The following BANK1 variants were observed in gnomAD, a reference collection of about 807,000 sequenced individuals.
BANK1 encodes the protein B cell scaffold protein with ankyrin repeats 1.
BANK1 carries 95 observed loss-of-function variants against 94.5 expected under a neutral mutation model. That is an observed-to-expected ratio of 1.00 (90% CI 0.85 to 1.19). BANK1 has a LOEUF of 1.19. BANK1 is among the 50% of genes most tolerant of loss of function. The pLI is 0.00. For missense variants in BANK1, 987 were observed against 932.2 expected (o/e 1.06, Z -0.77); for synonymous variants, 334 against 308.4 (o/e 1.08, Z -0.87).
At chr4:101,854,161 G>A (rs1727595910) in intron 2 of BANK1, among the ~76,000 whole-genome samples, 1 of 152,076 alleles carries the variant, frequency 6.6e-6, no homozygotes, top group Non-Finnish European at 1.5e-5. Flanking sequence ...GGGGGTTTCA[G>A]GGCTGCTTTT....
At chr4:101,914,414 C>T (rs1462739113) in intron 6 of BANK1, among the ~76,000 whole-genome samples, 2 of 152,042 alleles carry the variant, frequency 1.3e-5, no homozygotes, top group Non-Finnish European at 2.9e-5. Flanking sequence ...AATAAGGCAC[C>T]GTAAGTCAGA....
At chr4:102,004,843 G>A (rs1726194915) in intron 7 of BANK1, among the ~76,000 whole-genome samples, 1 of 152,002 alleles carries the variant, frequency 6.6e-6, no homozygotes. Context: ...CCTTTTGTCA[G>A]GTATGAGATA....
intron 10 of BANK1, among the ~76,000 whole-genome samples, chr4:102,031,407 T>C (rs886081177): frequency 4.6e-5 from 7 of 152,250 alleles, no homozygotes; most frequent in African/African-American, 1.4e-4. Flanking sequence ...ACTCTGATGA[T>C]AGTTTCTTTT....
intron 3 of BANK1, among the ~76,000 whole-genome samples, chr4:101,856,686 G>T (rs1727691952): frequency 6.6e-6 from 1 of 152,070 alleles, no homozygotes. Context: ...TGCTATCTAA[G>T]CAAAGATGTG....
intron 1 of BANK1, among the ~76,000 whole-genome samples, chr4:101,817,444 C>T (rs576631304): frequency 7.9e-5 from 12 of 152,100 alleles, no homozygotes; most frequent in African/African-American, 2.2e-4. Context: ...AACCAAATAC[C>T]GAATGTTCTT....
chr4:101,855,034 G>A lies in BANK1; in HGVS notation c.470-1G>A, dbSNP rs767513538. 1.2e-6 allele frequency: 2 copies of A among 1,601,996 alleles called. No individual in the cohort carries two copies. Among genetic ancestry groups the A allele is most frequent in the South Asian group, 2.2e-5 (2 of 89,884 alleles). ...ATCTACATTCATAAAATTTTCTCTAGATTCTGAAGACTACTTTGAGGTCAA... is the reference window on the plus strand; with the variant it reads ...ATCTACATTCATAAAATTTTCTCTAAATTCTGAAGACTACTTTGAGGTCAA... On this transcript the variant is annotated splice_acceptor_variant, in intron 2 of 16. Transcript: ENST00000322953. LOFTEE classifies it high-confidence loss of function.
Position 101,906,671 on chromosome 4 carries a change from C to G in BANK1, c.1009+11261C>G, listed in dbSNP as rs180674174. ...TCCTCATCATCAGTGTGAAAAAGTT[C>G]CAAAGTGAAACGAACCAGACCCCAC... On this transcript the variant is annotated intron_variant, in intron 6 of 16. Transcript: ENST00000322953. Among the ~76,000 whole-genome samples the G allele has an allele frequency of 1.2e-3, 178 of 152,246 alleles. 4 individuals are homozygous for G. Among genetic ancestry groups the G allele is most frequent in the South Asian group, 0.01 (50 of 4,814 alleles).
intron 7 of BANK1, among the ~76,000 whole-genome samples, chr4:102,004,410 A>G (rs142895685): frequency 0.014 from 2,139 of 152,328 alleles, 148 homozygotes; most frequent in Admixed American, 0.12. Flanking sequence ...AATGTCACTG[A>G]GACTCCTGAC....
rs185158597 is a variant in BANK1, at chr4:102,012,678, T to C, written c.1207-8836T>C. On this transcript the variant is annotated intron_variant, in intron 7 of 16. Transcript: ENST00000322953. ...TCTAGCTTGGATTTCAGAAGTTGCT[T>C]GCTCCTCTGTGTTTAGATAAATGCA... Among the ~76,000 whole-genome samples, 742 of 152,270 alleles carry C rather than the reference T, an allele frequency of 4.9e-3. 1 individual carries two copies. Among genetic ancestry groups the C allele is most frequent in the Non-Finnish European group, 7.0e-3 (475 of 67,980 alleles).
chr4:101,874,307 CTTCTGTTAATAG>C (rs1038841728), intron 5 of BANK1, among the ~76,000 whole-genome samples: 1 of 152,134 alleles, frequency 6.6e-6, no homozygotes, highest in African/African-American at 2.4e-5. Flanking sequence ...TCTCCCTGTG[CTTCTGTTAATAG>C]TTCCCTGAAA....
chr4:102,036,468 A>G (rs1353694914), intron 10 of BANK1, among the ~76,000 whole-genome samples: 1 of 152,198 alleles, frequency 6.6e-6, no homozygotes, highest in Non-Finnish European at 1.5e-5. Flanking sequence ...TAGGTCTTAG[A>G]TCAACTGCCT....
chr4:101,951,248 T>A (rs2851330), intron 7 of BANK1, among the ~76,000 whole-genome samples: 1 of 152,054 alleles, frequency 6.6e-6, no homozygotes, highest in Non-Finnish European at 1.5e-5. Context: ...GAATCTTAAA[T>A]TAGTCTAAAA....
At chr4:101,798,917 T>C (rs1725254779) in intron 1 of BANK1, among the ~76,000 whole-genome samples, 1 of 152,216 alleles carries the variant, frequency 6.6e-6, no homozygotes, top group Non-Finnish European at 1.5e-5. Context: ...AGGTTGCCTG[T>C]TCACTCTGAT....
chr4:101,851,006 A>G (rs1578356241), intron 2 of BANK1, among the ~76,000 whole-genome samples: 1 of 152,184 alleles, frequency 6.6e-6, no homozygotes, highest in Non-Finnish European at 1.5e-5. Context: ...CAAGTGTTCA[A>G]GTGAAAGAAA....
chr4:102,044,047 A>T (rs982041767), intron 11 of BANK1, 140 bp downstream of exon 11: 12 of 490,034 alleles, frequency 2.4e-5, no homozygotes, highest in Admixed American at 9.6e-5. Context: ...TATTATTATT[A>T]TACTTTAAGT....
chr4:102,006,851 A>T (rs975946819), intron 7 of BANK1, among the ~76,000 whole-genome samples: 1 of 150,890 alleles, frequency 6.6e-6, no homozygotes, highest in Non-Finnish European at 1.5e-5. Context: ...AAAGTATAAC[A>T]TAGGGGTAAC....
In BANK1 at chr4:101,799,995, G is replaced by C. The variant is rs1375025736; in HGVS notation, c.70+9045G>C. Among the ~76,000 whole-genome samples the C allele has an allele frequency of 4.6e-5, 7 of 152,130 alleles. No individual in the cohort carries two copies. In the East Asian group the frequency reaches 1.3e-3, roughly 29 times the overall value. Reference sequence around the variant, plus strand: ...TGTCCTTTGTAGGGACATGGATGAAGCTGGAAACAATCATTCTGAGCAAAC... The same window carrying C: ...TGTCCTTTGTAGGGACATGGATGAACCTGGAAACAATCATTCTGAGCAAAC... On this transcript the variant is annotated intron_variant, in intron 1 of 16. Coordinates refer to ENST00000322953, the MANE Select transcript of BANK1 (RefSeq NM_017935.5).
intron 7 of BANK1, chr4:101,972,838 C>G (rs1401022472): frequency 6.6e-6 from 1 of 152,096 alleles, no homozygotes; most frequent in Non-Finnish European, 1.5e-5. Context: ...CAGCAATGGA[C>G]TGATAATTAC....
intron 7 of BANK1, among the ~76,000 whole-genome samples, chr4:101,919,618 G>A (rs967605911): frequency 6.6e-6 from 1 of 151,888 alleles, no homozygotes; most frequent in African/African-American, 2.4e-5. Flanking sequence ...CTTTTTCGTA[G>A]TCGCTGCATT....
Sources: allele counts gnomAD v4.1 joint callset (sites outside exome capture counted in the v4.1 genomes callset), GRCh38; gene constraint gnomAD v4.1.1; transcripts MANE v1.5; gene names NCBI Gene and HGNC (gene_info 2026-07-23, HGNC 2026-07-21).